Variants in CRAMP1 observed in about 807,000 individuals in gnomAD.
The protein encoded by CRAMP1 is cramped chromatin regulator 1.
A neutral mutation model predicts 115.4 loss-of-function variants in CRAMP1; 50 were observed. That is an observed-to-expected ratio of 0.43 (90% CI 0.35 to 0.55). The LOEUF (loss-of-function observed/expected upper bound fraction) is 0.55, where lower values mean the gene tolerates loss of function less well. Ranked by LOEUF, CRAMP1 falls within the 20% of genes least tolerant of loss-of-function variation. CRAMP1 has a pLI of 0.01. For missense variants in CRAMP1, 1,679 were observed against 1,721.7 expected, an observed-to-expected ratio of 0.98 and a Z score of 0.44; for synonymous variants, 866 against 745.4, an observed-to-expected ratio of 1.16 and a Z score of -2.64.
rs751454351 is a variant in CRAMP1, at chr16:1,641,197, A to G, written c.827+10A>G. 1 of 1,598,470 alleles carries G rather than the reference A, an allele frequency of 6.3e-7. No homozygotes were observed. Among genetic ancestry groups the G allele is most frequent in the East Asian group, 2.2e-5 (1 of 44,798 alleles). On this transcript the variant is annotated intron_variant, in intron 6 of 20. Coordinates refer to ENST00000397412, the MANE Select transcript of CRAMP1 (RefSeq NM_020825.4). ...AACTCATTCAGGTTGGGTAAGTCCC[A>G]GTTTCCATGTGAAACATCACTTCTC...
intron 2 of CRAMP1, chr16:1,625,582 G>A (rs2036501440): frequency 6.2e-6 from 1 of 161,356 alleles, no homozygotes; most frequent in Non-Finnish European, 1.4e-5. Flanking sequence ...AAGATGTTAA[G>A]AATATTTAAC....
intron 2 of CRAMP1, chr16:1,625,744 T>C (rs1340168300): frequency 1.1e-5 from 5 of 473,696 alleles, no homozygotes; most frequent in South Asian, 2.9e-5. Context: ...ATCTTGCTCC[T>C]TTTCTAACTG....
intron 10 of CRAMP1, among the ~76,000 whole-genome samples, chr16:1,658,785 C>T (rs1247207696): frequency 1.3e-5 from 2 of 152,172 alleles, no homozygotes; most frequent in African/African-American, 4.8e-5. Flanking sequence ...GGGGCTAGGG[C>T]CTGAAGGCTC....
intron 6 of CRAMP1, among the ~76,000 whole-genome samples, chr16:1,651,361 G>T (rs776989686): frequency 3.4e-5 from 5 of 144,988 alleles, no homozygotes; most frequent in Non-Finnish European, 6.0e-5. Context: ...TTTAGGTCAC[G>T]CACAGGTCAC....
intron 4 of CRAMP1, among the ~76,000 whole-genome samples, chr16:1,633,739 T>G (rs1372132010): frequency 3.9e-5 from 6 of 152,180 alleles, no homozygotes; most frequent in African/African-American, 1.4e-4. Context: ...CCTCTTCCTG[T>G]GTCGTCTGTC....
At chr16:1,613,490 G>C (rs2036381490) in intron 1 of CRAMP1, among the ~76,000 whole-genome samples, 2 of 152,182 alleles carry the variant, frequency 1.3e-5, no homozygotes, top group Admixed American at 6.5e-5. Context: ...GTTGAACGCA[G>C]GGTCAGTATC....
intron 10 of CRAMP1, among the ~76,000 whole-genome samples, chr16:1,658,285 C>T (rs2036793775): frequency 6.6e-6 from 1 of 151,930 alleles, no homozygotes; most frequent in African/African-American, 2.4e-5. Context: ...GCTCGGGGGT[C>T]GCATAGCAGG....
intron 2 of CRAMP1, among the ~76,000 whole-genome samples, chr16:1,624,582 C>G (rs890902885): frequency 2.0e-5 from 3 of 151,786 alleles, no homozygotes; most frequent in African/African-American, 4.8e-5. Flanking sequence ...CCACACCTGG[C>G]TAATTTTTTC....
chr16:1,648,854 C>G lies in CRAMP1; in HGVS notation c.828-3642C>G, dbSNP rs572914013. 1.1e-3 allele frequency among the ~76,000 whole-genome samples: 168 copies of G among 152,078 alleles called. 1 individual carries two copies. Among genetic ancestry groups the G allele is most frequent in the African/African-American group, 3.8e-3 (156 of 41,486 alleles). On this transcript the variant is annotated intron_variant, in intron 6 of 20. Coordinates refer to ENST00000397412, the MANE Select transcript of CRAMP1 (RefSeq NM_020825.4). Reference sequence around the variant, plus strand: ...CGGGCGGATCACGAGGTCAGGAGATCGAGACCATCCTGGCTAACGTGGTGA... The same window carrying G: ...CGGGCGGATCACGAGGTCAGGAGATGGAGACCATCCTGGCTAACGTGGTGA...
At chr16:1,631,011 T>C (rs563159932) in intron 3 of CRAMP1, among the ~76,000 whole-genome samples, 1 of 152,354 alleles carries the variant, frequency 6.6e-6, no homozygotes, top group East Asian at 1.9e-4. Context: ...TGGCTTGGCT[T>C]TGAGGCTGTG....
In CRAMP1 at chr16:1,674,885, C is replaced by T. The variant is rs1183170153; in HGVS notation, c.*840C>T. 6.6e-6 allele frequency: 1 copy of T among 152,190 alleles called. No individual in the cohort carries two copies. Among genetic ancestry groups the T allele is most frequent in the South Asian group, 2.1e-4 (1 of 4,836 alleles). The allele number at this position is 152,190 out of a possible 1,614,324, so 9.4% of individuals were successfully genotyped here. ...CGATCTAAGGTGTCATTTCTCCCTC[C>T]TGGGGTGACCCTTAGGCGCTAATAT... On this transcript the variant is annotated 3_prime_UTR_variant, in exon 21 of 21. Coordinates refer to ENST00000397412, the MANE Select transcript of CRAMP1 (RefSeq NM_020825.4).
At chr16:1,622,919 A>T (rs1401395029) in intron 2 of CRAMP1, among the ~76,000 whole-genome samples, 3 of 151,890 alleles carry the variant, frequency 2.0e-5, no homozygotes, top group Non-Finnish European at 4.4e-5. Flanking sequence ...ACGCCACCAC[A>T]TGGGGCTAAT....
At chr16:1,641,068 G>C in intron 5 of CRAMP1, 71 bp from the exon 6 acceptor site, 1 of 1,055,726 alleles carries the variant, frequency 9.5e-7, no homozygotes, top group South Asian at 1.3e-5. Flanking sequence ...GAGCGGAATT[G>C]TATGGGAATC....
Position 1,614,999 on chromosome 16 carries a change from T to A in CRAMP1, c.346+14T>A. Reference sequence around the variant, plus strand: ...CCCGCGGAAAAGGTAGGGCGGCCCGTCCCCTTGGGAGACCCCAGCCCCTCT... The same window carrying A: ...CCCGCGGAAAAGGTAGGGCGGCCCGACCCCTTGGGAGACCCCAGCCCCTCT... On this transcript the variant is annotated intron_variant, in intron 2 of 20. Coordinates refer to ENST00000397412, the MANE Select transcript of CRAMP1 (RefSeq NM_020825.4). This position sits in a 1 kb window ranked among gnomAD's most constrained non-coding sequence, Gnocchi z 4.4. The A allele has an allele frequency of 8.1e-7, 1 of 1,237,250 alleles. No homozygotes were observed. The highest frequency in any genetic ancestry group is 1.0e-6 in the Non-Finnish European group (1 of 986,810). The allele number at this position is 1,237,250 out of a possible 1,614,324, so 76.6% of individuals were successfully genotyped here.
At position 1,670,650 on chromosome 16, in the gene CRAMP1, C is replaced by T. The variant is rs1260102829; in HGVS notation, c.3500-14C>T. On this transcript the variant is annotated splice_polypyrimidine_tract_variant and intron_variant, in intron 19 of 20. Coordinates refer to ENST00000397412, the MANE Select transcript of CRAMP1 (RefSeq NM_020825.4). Reference sequence around the variant, plus strand: ...CAGGGTTCAGGGTGTTTTCCTCTGGCCTTTTCTCCGCAGCAAGCTTCATCT... The same window carrying T: ...CAGGGTTCAGGGTGTTTTCCTCTGGTCTTTTCTCCGCAGCAAGCTTCATCT... The T allele has an allele frequency of 6.2e-7, 1 of 1,613,514 alleles. No homozygotes were observed. The highest frequency in any genetic ancestry group is 8.5e-7 in the Non-Finnish European group (1 of 1,179,652).
intron 6 of CRAMP1, among the ~76,000 whole-genome samples, chr16:1,651,306 GGAGAGGTCGACT>G (rs2036720640): frequency 6.6e-6 from 1 of 150,844 alleles, no homozygotes; most frequent in South Asian, 2.1e-4. Flanking sequence ...CACAGGTTAT[GGAGAGGTCGACT>G]GAGAGGTCAC....
intron 13 of CRAMP1, among the ~76,000 whole-genome samples, chr16:1,664,128 C>A (rs1012376456): frequency 2.0e-5 from 3 of 152,336 alleles, no homozygotes; most frequent in Non-Finnish European, 2.9e-5. Flanking sequence ...TGCAGCGGCA[C>A]CCCCAGAGGC....
rs1454631533 is a variant in CRAMP1 at position 1,677,201 on chromosome 16, G to A, written c.*3156G>A. The A allele has an allele frequency of 1.3e-5, 2 of 152,514 alleles. No homozygotes were observed. The highest frequency in any genetic ancestry group is 4.8e-5 in the African/African-American group (2 of 41,436). 9.4% of individuals were successfully genotyped at this position (152,514 alleles called of 1,614,324 possible). A position where few individuals can be genotyped will look rare whatever the true frequency, so the allele number is the denominator to read the frequency against. On this transcript the variant is annotated 3_prime_UTR_variant, in exon 21 of 21. Coordinates refer to ENST00000397412, the MANE Select transcript of CRAMP1 (RefSeq NM_020825.4). The stretch of plus-strand genomic sequence containing the variant: ...CTCACGCCTGTAATCCCAGCACTTT[G>A]GGAGGCCGAGGCGGGCGGATCACCT...
Position 1,656,734 on chromosome 16 carries a change from G to T in CRAMP1, c.1977G>T (p.Arg659Ser), listed in dbSNP as rs1170017010. Residue 659 changes from arginine to serine, a missense_variant, in exon 10 of 21, where the codon AGG (arginine) becomes AGT (serine). Arg to Ser is a moderately radical substitution (Grantham distance 110). Coordinates refer to ENST00000397412, the MANE Select transcript of CRAMP1 (RefSeq NM_020825.4). This position sits in a 1 kb window ranked among gnomAD's most constrained non-coding sequence, Gnocchi z 5.6. ...CGTCTCAGGGACAGCCTGCCGCCAG[G>T]CCCCCGAAGGAGGTCCCCGCCAGCC... ...PPPSQGQPAA[R>S]PPKEVPASRL... 2.7e-5 allele frequency: 42 copies of T among 1,550,548 alleles called. No homozygotes were observed. Among genetic ancestry groups the T allele is most frequent in the Non-Finnish European group, 3.7e-5 (42 of 1,147,184 alleles).
Sources: allele counts gnomAD v4.1 joint callset (sites outside exome capture counted in the v4.1 genomes callset), GRCh38; gene constraint gnomAD v4.1.1; non-coding constraint Gnocchi (gnomAD v3.1); transcripts MANE v1.5; gene names NCBI Gene and HGNC (gene_info 2026-07-23, HGNC 2026-07-21).